The following PCDHGA6 variants were observed in gnomAD, a reference collection of about 807,000 sequenced individuals.
PCDHGA6 encodes the protein protocadherin gamma-A6.
PCDHGA6 carries 41 observed loss-of-function variants against 60.6 expected under a neutral mutation model. The ratio of observed to expected loss-of-function variants is 0.68; its 90% CI spans 0.53 to 0.88. The LOEUF (loss-of-function observed/expected upper bound fraction) is 0.88. Among genes scored for constraint, PCDHGA6 ranks in the 40% least tolerant of loss-of-function variants. PCDHGA6 has a pLI of 0.00. For synonymous variants in PCDHGA6, 594 were observed against 524.4 expected (o/e 1.13, Z -1.81); for missense variants, 1,312 against 1,203.0 (o/e 1.09, Z -1.34).
Position 141,489,517 on chromosome 5 carries a change from G to C in PCDHGA6, c.2425-5290G>C. The C allele has an allele frequency of 6.2e-7, 1 of 1,614,136 alleles. No individual in the cohort carries two copies. Among genetic ancestry groups the C allele is most frequent in the Non-Finnish European group, 8.5e-7 (1 of 1,180,044 alleles). On this transcript the variant is annotated intron_variant, in intron 1 of 3. Transcript: ENST00000517434. The surrounding 1 kb of genome is among the most constrained non-coding windows in gnomAD (Gnocchi z 4.5). ...GGCAGTGAATCAAAAGATTGACCGA[G>C]AAAGCCTATGTGGAGCCAGCACCAG...
rs1591094034 is a variant in PCDHGA6 at position 141,431,659 on chromosome 5, A to T, written c.2424+55152A>T. 3.7e-6 allele frequency: 6 copies of T among 1,614,246 alleles called. No individual in the cohort carries two copies. The highest frequency in any genetic ancestry group is 3.4e-6 in the Non-Finnish European group (4 of 1,180,036). On this transcript the variant is annotated intron_variant, in intron 1 of 3. Coordinates refer to ENST00000517434, the MANE Select transcript of PCDHGA6 (RefSeq NM_018919.3). This position sits in a 1 kb window ranked among gnomAD's most constrained non-coding sequence, Gnocchi z 4.8. ...TCAAACTAGATTGTAATTCAGGGAC[A>T]ATATCAACAATAGGGGAGTTGGACC...
At position 141,490,551 on chromosome 5, in the gene PCDHGA6, T is replaced by A; in HGVS notation, c.2425-4256T>A. On this transcript the variant is annotated intron_variant, in intron 1 of 3. Coordinates refer to ENST00000517434, the MANE Select transcript of PCDHGA6 (RefSeq NM_018919.3). This position sits in a 1 kb window ranked among gnomAD's most constrained non-coding sequence, Gnocchi z 5.4. ...CTGGTTCACCTTCCCTACACAAACA[T>A]CTCACCATCAGGCTCAACATTTCAG... is the stretch of plus-strand genomic sequence containing the variant. 1 of 1,614,088 alleles carries A rather than the reference T, an allele frequency of 6.2e-7. No individual in the cohort carries two copies. Among genetic ancestry groups the A allele is most frequent in the East Asian group, 2.2e-5 (1 of 44,874 alleles).
chr5:141,494,775 A>G (rs1202233200), intron 1 of PCDHGA6, 32 bp from the exon 2 acceptor site: 1 of 1,613,580 alleles, frequency 6.2e-7, no homozygotes. Flanking sequence ...TCTCACGGGT[A>G]CTCAGCCCCT....
chr5:141,497,840 C>T (rs1326804289), intron 2 of PCDHGA6, among the ~76,000 whole-genome samples: 1 of 152,154 alleles, frequency 6.6e-6, no homozygotes, highest in Non-Finnish European at 1.5e-5. Context: ...CCGGCCACAA[C>T]AAACATTTTT....
intron 2 of PCDHGA6, among the ~76,000 whole-genome samples, chr5:141,500,453 C>T (rs1403599390): frequency 6.6e-6 from 1 of 152,130 alleles, no homozygotes; most frequent in South Asian, 2.1e-4. Context: ...TCGTGATCCG[C>T]CCGCCTCGGC....
intron 2 of PCDHGA6, among the ~76,000 whole-genome samples, chr5:141,496,468 C>T (rs1410143575): frequency 2.0e-5 from 3 of 152,126 alleles, no homozygotes; most frequent in Non-Finnish European, 4.4e-5. Context: ...AGTTATCTTT[C>T]CCCCATCCTG....
In PCDHGA6 at chr5:141,490,091, A is replaced by T; in HGVS notation, c.2425-4716A>T. 6.2e-7 allele frequency: 1 copy of T among 1,614,240 alleles called. No homozygotes were observed. Among genetic ancestry groups the T allele is most frequent in the East Asian group, 2.2e-5 (1 of 44,888 alleles). ...CAACTAGACTATTCTTTTGGAGACC[A>T]CACATCTGAGGCAGTGCGGAACCTC... On this transcript the variant is annotated intron_variant, in intron 1 of 3. Coordinates refer to ENST00000517434, the MANE Select transcript of PCDHGA6 (RefSeq NM_018919.3). The surrounding 1 kb of genome is among the most constrained non-coding windows in gnomAD (Gnocchi z 5.4).
At chr5:141,379,831 C>T (rs1242791393) in intron 1 of PCDHGA6, among the ~76,000 whole-genome samples, 3 of 142,262 alleles carry the variant, frequency 2.1e-5, no homozygotes, top group Non-Finnish European at 4.5e-5. Context: ...TTTGAAGCAT[C>T]AGGAAAAAAA....
In PCDHGA6 at chr5:141,399,542, C is replaced by T. The variant is rs761214012; in HGVS notation, c.2424+23035C>T. The T allele has an allele frequency of 5.6e-6, 9 of 1,614,046 alleles. No homozygotes were observed. The South Asian group carries it at 8.8e-5, about 16-fold the overall frequency. On this transcript the variant is annotated intron_variant, in intron 1 of 3. Transcript: ENST00000517434. ...GGGGCCTCCATCGCGCAAGTCTGCGCCTCGGACCTGGACTTGGGGTTGAAC... is the reference window on the plus strand; with the variant it reads ...GGGGCCTCCATCGCGCAAGTCTGCGTCTCGGACCTGGACTTGGGGTTGAAC...
At chr5:141,398,729 A>T in intron 1 of PCDHGA6, 1 of 1,613,820 alleles carries the variant, frequency 6.2e-7, no homozygotes, top group Non-Finnish European at 8.5e-7. Flanking sequence ...AAAACCTTAG[A>T]CCGGGAACAA....
chr5:141,467,162 C>T (rs765574629), intron 1 of PCDHGA6, among the ~76,000 whole-genome samples: 1 of 151,724 alleles, frequency 6.6e-6, no homozygotes, highest in Non-Finnish European at 1.5e-5. Flanking sequence ...AAGTGATTCT[C>T]ATCTCTCAGC....
chr5:141,434,254 T>C (rs1440934691), intron 1 of PCDHGA6, among the ~76,000 whole-genome samples: 3 of 152,176 alleles, frequency 2.0e-5, no homozygotes, highest in Admixed American at 6.5e-5. Context: ...TTGGGCATTG[T>C]GGGGGAGGTG....
Position 141,431,910 on chromosome 5 carries a change from G to A in PCDHGA6, c.2424+55403G>A. The A allele has an allele frequency of 6.2e-7, 1 of 1,614,096 alleles. No individual in the cohort carries two copies. Among genetic ancestry groups the A allele is most frequent in the Non-Finnish European group, 8.5e-7 (1 of 1,179,934 alleles). On this transcript the variant is annotated intron_variant, in intron 1 of 3. Transcript: ENST00000517434. This position sits in a 1 kb window ranked among gnomAD's most constrained non-coding sequence, Gnocchi z 4.8. ...TCTGAGGAAAACGGACAGGTGATCTGTTTCATCCAAGGAAATCTGCCCTTT... is the reference window on the plus strand; with the variant it reads ...TCTGAGGAAAACGGACAGGTGATCTATTTCATCCAAGGAAATCTGCCCTTT...
chr5:141,480,407 C>T (rs906445993), intron 1 of PCDHGA6, among the ~76,000 whole-genome samples: 1 of 139,782 alleles, frequency 7.2e-6, no homozygotes, highest in Admixed American at 7.0e-5. Context: ...AGAGTGAGAC[C>T]CTGTCTCAAA....
intron 1 of PCDHGA6, chr5:141,378,119 G>T (rs1412148490): frequency 1.3e-5 from 2 of 152,132 alleles, no homozygotes; most frequent in South Asian, 2.1e-4. Flanking sequence ...TAGTGAACAC[G>T]TATTTGTTGA....
intron 1 of PCDHGA6, chr5:141,410,048 C>T (rs1471679304): frequency 4.3e-6 from 7 of 1,613,042 alleles, no homozygotes; most frequent in Non-Finnish European, 4.2e-6. Flanking sequence ...TGAGCCCGGA[C>T]TCTTCAGCCT....
intron 1 of PCDHGA6, chr5:141,408,164 A>G (rs2095051548): frequency 6.6e-7 from 1 of 1,520,576 alleles, no homozygotes; most frequent in South Asian, 1.3e-5. Context: ...ACTTTCTCCA[A>G]CTGGAAAAGC....
intron 1 of PCDHGA6, chr5:141,422,658 C>T (rs2096662185): frequency 6.2e-7 from 1 of 1,609,912 alleles, no homozygotes; most frequent in Non-Finnish European, 8.5e-7. Context: ...CAGTGACCGC[C>T]CTCGACCCGG....
chr5:141,384,674 T>C (rs748841666), intron 1 of PCDHGA6: 9 of 1,614,038 alleles, frequency 5.6e-6, no homozygotes, highest in Non-Finnish European at 8.5e-7. Context: ...ACCAAGGTGG[T>C]GGCGGTGGAC....
Sources: gnomAD v4.1 joint callset for allele counts (sites outside exome capture counted in the v4.1 genomes callset) on GRCh38, gnomAD v4.1.1 for gene constraint, Gnocchi (gnomAD v3.1) non-coding constraint, MANE v1.5 for transcripts, NCBI Gene and HGNC (gene_info 2026-07-23, HGNC 2026-07-21) for gene names.